Variants in ERICH6B observed in about 807,000 individuals in gnomAD.
The protein encoded by ERICH6B is glutamate rich 6B.
ERICH6B carries 69 observed loss-of-function variants against 80.0 expected under a neutral mutation model. The observed-to-expected ratio is 0.86, with a 90% CI of 0.71 to 1.05. The LOEUF is 1.05. ERICH6B is among the 50% of genes least tolerant of loss of function. The probability of loss-of-function intolerance (pLI) is 0.00; values close to 1 mark genes in which losing one functional copy is unlikely to be tolerated. For synonymous variants in ERICH6B, 283 were observed against 291.9 expected (o/e 0.97, Z 0.31); for missense variants, 754 against 796.1 (o/e 0.95, Z 0.64).
At chr13:45,553,948 CAT>C (rs1874331048) in intron 11 of ERICH6B, among the ~76,000 whole-genome samples, 1 of 152,112 alleles carries the variant, frequency 6.6e-6, no homozygotes, top group Admixed American at 6.5e-5. Context: ...CATTACCTCA[CAT>C]ATGTTTTGTT....
chr13:45,586,803 T>C (rs986072124), intron 5 of ERICH6B, among the ~76,000 whole-genome samples: 5 of 152,100 alleles, frequency 3.3e-5, no homozygotes, highest in African/African-American at 1.2e-4. Context: ...GACGGAAAGA[T>C]GGAAGAAGCT....
At chr13:45,564,567 C>T (rs1874834156) in intron 9 of ERICH6B, among the ~76,000 whole-genome samples, 1 of 152,202 alleles carries the variant, frequency 6.6e-6, no homozygotes, top group South Asian at 2.1e-4. Flanking sequence ...AAGCAAACAT[C>T]CTTTGCTGGA....
At chr13:45,593,578 G>A (rs190236776) in intron 3 of ERICH6B, among the ~76,000 whole-genome samples, 1 of 152,086 alleles carries the variant, frequency 6.6e-6, no homozygotes, top group Non-Finnish European at 1.5e-5. Flanking sequence ...ACCAAGACAT[G>A]GAGAGGTTAA....
At chr13:45,609,777 C>T (rs1949889092) in intron 1 of ERICH6B, among the ~76,000 whole-genome samples, 1 of 152,246 alleles carries the variant, frequency 6.6e-6, no homozygotes, top group African/African-American at 2.4e-5. Flanking sequence ...AATCATACAT[C>T]ACTTAATGAT....
chr13:45,553,353 C>T (rs751672773), intron 11 of ERICH6B, among the ~76,000 whole-genome samples: 2 of 151,992 alleles, frequency 1.3e-5, no homozygotes, highest in African/African-American at 2.4e-5. Flanking sequence ...GCGCTGTGGT[C>T]ACTGGATGGG....
intron 7 of ERICH6B, among the ~76,000 whole-genome samples, chr13:45,577,274 A>ACCTTTTTTTTTTTTT (rs1566295865): frequency 2.7e-5 from 3 of 110,792 alleles, no homozygotes; most frequent in African/African-American, 1.2e-4. Flanking sequence ...TTAAAAACAA[A>ACCTTTTTTTTTTTTT]TCTTTTTTTT....
chr13:45,610,172 T>C (rs1399629858), intron 1 of ERICH6B, among the ~76,000 whole-genome samples: 1 of 152,184 alleles, frequency 6.6e-6, no homozygotes, highest in African/African-American at 2.4e-5. Flanking sequence ...AACATCACTA[T>C]TGTAGAACCT....
chr13:45,597,924 T>A (rs1189769747), intron 2 of ERICH6B, among the ~76,000 whole-genome samples: 3 of 152,208 alleles, frequency 2.0e-5, no homozygotes, highest in Non-Finnish European at 4.4e-5. Flanking sequence ...ATCTCTAGAC[T>A]GAATTACTGG....
At position 45,608,789 on chromosome 13, in the gene ERICH6B, C is replaced by T. The variant is rs149453816; in HGVS notation, c.-110-1174G>A. ...TATTCATTAAGTTATTCGGATGTAA[C>T]GATTCAATACATGAAACCTTTAGGG... On this transcript the variant is annotated intron_variant, in intron 1 of 14. Coordinates refer to ENST00000298738, the MANE Select transcript of ERICH6B (RefSeq NM_182542.3). Among the ~76,000 whole-genome samples the T allele has an allele frequency of 3.9e-5, 6 of 152,252 alleles. No homozygotes were observed. The East Asian group carries it at 9.6e-4, about 24-fold the overall frequency.
intron 11 of ERICH6B, among the ~76,000 whole-genome samples, chr13:45,553,412 A>G (rs186428152): frequency 6.6e-6 from 1 of 152,356 alleles, no homozygotes; most frequent in Admixed American, 6.5e-5. Flanking sequence ...AAGAAAGCTT[A>G]TAGCAGAATG....
Position 45,597,082 on chromosome 13 carries a change from T to C in ERICH6B, c.-58-19A>G. 7.0e-7 allele frequency: 1 copy of C among 1,427,826 alleles called. No individual in the cohort carries two copies. 88.4% of individuals were successfully genotyped at this position (1,427,826 alleles called of 1,614,324 possible). On this transcript the variant is annotated intron_variant, in intron 2 of 14. Coordinates refer to ENST00000298738, the MANE Select transcript of ERICH6B (RefSeq NM_182542.3). The stretch of plus-strand genomic sequence containing the variant: ...TATTATCCTGTATCCAAGAAAGGAA[T>C]AAAATCCTATTAGCCAGTAATAGCA...
At chr13:45,584,885 C>T (rs1875834741) in intron 5 of ERICH6B, among the ~76,000 whole-genome samples, 1 of 152,206 alleles carries the variant, frequency 6.6e-6, no homozygotes, top group African/African-American at 2.4e-5. Context: ...GTGTACCCCA[C>T]CTGCAGGAAG....
chr13:45,584,272 A>G (rs1168907000), intron 5 of ERICH6B, among the ~76,000 whole-genome samples: 5 of 152,206 alleles, frequency 3.3e-5, no homozygotes, highest in African/African-American at 1.2e-4. Context: ...CCAGTGCTCC[A>G]GAGCGTCTTC....
At chr13:45,565,015 C>G (rs1165622451) in intron 9 of ERICH6B, among the ~76,000 whole-genome samples, 1 of 152,166 alleles carries the variant, frequency 6.6e-6, no homozygotes, top group African/African-American at 2.4e-5. Flanking sequence ...AGTAGGTGCA[C>G]ATGAAATATC....
intron 7 of ERICH6B, among the ~76,000 whole-genome samples, chr13:45,577,105 G>A (rs192246236): frequency 1.3e-3 from 203 of 151,838 alleles, no homozygotes; most frequent in Middle Eastern, 3.4e-3. Context: ...GGCCACTTCC[G>A]GCATGTCACT....
chr13:45,614,147 A>G (rs1050792854), intron 1 of ERICH6B, among the ~76,000 whole-genome samples: 2 of 152,164 alleles, frequency 1.3e-5, no homozygotes, highest in Non-Finnish European at 2.9e-5. Flanking sequence ...AGGATCCAGT[A>G]CATATTTCTG....
At chr13:45,602,244 C>T (rs1428685286) in intron 2 of ERICH6B, among the ~76,000 whole-genome samples, 1 of 152,092 alleles carries the variant, frequency 6.6e-6, no homozygotes, top group African/African-American at 2.4e-5. Context: ...GAGGCTGGTA[C>T]CTCTGCCTGG....
intron 5 of ERICH6B, among the ~76,000 whole-genome samples, chr13:45,582,312 T>C (rs992290233): frequency 6.6e-6 from 1 of 152,216 alleles, no homozygotes; most frequent in South Asian, 2.1e-4. Context: ...TTCAGTTGTA[T>C]CTGGTTGTGT....
intron 2 of ERICH6B, among the ~76,000 whole-genome samples, chr13:45,603,178 T>G (rs533967870): frequency 7.1e-4 from 108 of 152,328 alleles, no homozygotes; most frequent in African/African-American, 2.5e-3. Context: ...CCTTCCTCCA[T>G]GTTTTTCTTG....
Sources: allele counts gnomAD v4.1 joint callset (sites outside exome capture counted in the v4.1 genomes callset), GRCh38; gene constraint gnomAD v4.1.1; transcripts MANE v1.5; gene names NCBI Gene and HGNC (gene_info 2026-07-23, HGNC 2026-07-21).